The following DMXL1 variants were observed in gnomAD, a reference collection of about 807,000 sequenced individuals.
DMXL1 encodes Dmx like 1.
In DMXL1, 99 loss-of-function variants were observed where a neutral mutation model predicts 319.2. The ratio of observed to expected loss-of-function variants is 0.31; its 90% CI spans 0.26 to 0.37. The LOEUF (loss-of-function observed/expected upper bound fraction) is 0.37. Ranked by LOEUF, DMXL1 falls within the 10% of genes least tolerant of loss-of-function variation. The pLI is 1.00. For missense variants in DMXL1, 3,745 were observed against 3,595.6 expected, an observed-to-expected ratio of 1.04 and a Z score of -1.06; for synonymous variants, 1,385 against 1,235.2, an observed-to-expected ratio of 1.12 and a Z score of -2.54.
intron 1 of DMXL1, among the ~76,000 whole-genome samples, chr5:119,088,191 G>A (rs538141493): frequency 3.9e-5 from 6 of 152,162 alleles, no homozygotes; most frequent in Non-Finnish European, 5.9e-5. Context: ...CTGCTTTATC[G>A]TTATATAGTA....
chr5:119,226,967 A>G (rs1240270060), intron 38 of DMXL1, among the ~76,000 whole-genome samples: 6 of 152,198 alleles, frequency 3.9e-5, no homozygotes, highest in South Asian at 2.1e-4. Flanking sequence ...TCACCAGCCA[A>G]GAAGCTCATC....
intron 9 of DMXL1, among the ~76,000 whole-genome samples, chr5:119,124,178 G>A (rs1393885092): frequency 3.3e-5 from 5 of 151,836 alleles, no homozygotes; most frequent in Admixed American, 2.0e-4. Flanking sequence ...AGCCAGGTGT[G>A]GTGGCAGGCA....
intron 17 of DMXL1, 45 bp from the exon 18 acceptor site, chr5:119,148,694 T>C (rs761604219): frequency 6.4e-7 from 1 of 1,558,404 alleles, no homozygotes; most frequent in Admixed American, 1.9e-5. Flanking sequence ...AACAGAAGTA[T>C]TTAACCAAAT....
Position 119,164,617 on chromosome 5 carries a change from G to C in DMXL1, c.4813G>C (p.Ala1605Pro). The part of the protein sequence containing the change: ...KDDPTWSELR[A>P]MGVGWWVRNT... Reference sequence around the variant, plus strand: ...TGATCCCACTTGGTCTGAACTAAGAGCTATGGGTGTGGGGTGGTGGGTCCG... The same window carrying C: ...TGATCCCACTTGGTCTGAACTAAGACCTATGGGTGTGGGGTGGTGGGTCCG... The change falls in exon 20 of 44, where the codon GCT (alanine) becomes CCT (proline). Residue 1605 changes from alanine to proline, a missense_variant. By Grantham distance (27) the Ala-to-Pro change is conservative. Transcript: ENST00000539542. 1 of 1,614,034 alleles carries C rather than the reference G, an allele frequency of 6.2e-7. No individual in the cohort carries two copies. Among genetic ancestry groups the C allele is most frequent in the Non-Finnish European group, 8.5e-7 (1 of 1,179,916 alleles).
intron 10 of DMXL1, 57 bp downstream of exon 10, chr5:119,129,480 C>T (rs1764324363): frequency 2.4e-6 from 3 of 1,271,210 alleles, no homozygotes; most frequent in Admixed American, 2.4e-5. Context: ...CAAACATTTT[C>T]ATATTAGGGT....
chr5:119,238,895 C>A, intron 40 of DMXL1, 94 bp from the exon 41 acceptor site: 1 of 1,519,828 alleles, frequency 6.6e-7, no homozygotes, highest in South Asian at 1.3e-5. Flanking sequence ...TTAAGAAAGC[C>A]AGAAACTACA....
rs371098535 is a variant in DMXL1 at position 119,196,474 on chromosome 5, A to T, written c.7543+18A>T. The T allele has an allele frequency of 1.0e-5, 15 of 1,487,986 alleles. No individual in the cohort carries two copies. The highest frequency in any genetic ancestry group is 1.4e-5 in the African/African-American group (1 of 71,482). The allele number at this position is 1,487,986 out of a possible 1,614,324, so 92.2% of individuals were successfully genotyped here. On this transcript the variant is annotated intron_variant, in intron 31 of 43. Coordinates refer to ENST00000539542, the MANE Select transcript of DMXL1 (RefSeq NM_001290321.3). Reference sequence around the variant, plus strand: ...TCTTGCAGGTAATAAATAGCTCAACATGAGCTAATGGTGCCATTGCTTTTG... The same window carrying T: ...TCTTGCAGGTAATAAATAGCTCAACTTGAGCTAATGGTGCCATTGCTTTTG...
Position 119,071,506 on chromosome 5 carries a change from G to A in DMXL1, c.-64G>A. ...GCCGCCCCTGAGGGAAGGAGGGAGG[G>A]AAGCAGCCGCTGACCCGTGGCATGA... On this transcript the variant is annotated 5_prime_UTR_variant, in exon 1 of 44. Transcript: ENST00000539542. The A allele has an allele frequency of 6.7e-7, 1 of 1,494,860 alleles. No individual in the cohort carries two copies. The highest frequency in any genetic ancestry group is 9.1e-7 in the Non-Finnish European group (1 of 1,094,884). The allele number at this position is 1,494,860 out of a possible 1,614,324, so 92.6% of individuals were successfully genotyped here. A position where few individuals can be genotyped will look rare whatever the true frequency, so the allele number is the denominator to read the frequency against.
chr5:119,131,641 A>G (rs138848723), intron 10 of DMXL1, among the ~76,000 whole-genome samples: 1 of 152,316 alleles, frequency 6.6e-6, no homozygotes, highest in East Asian at 1.9e-4. Context: ...GTGTGTTACT[A>G]AAGGTTAACT....
In DMXL1 at chr5:119,150,379, A is replaced by C. The variant is rs770011942; in HGVS notation, c.4552A>C (p.Thr1518Pro). ...SLMALADTIA[T>P]TSTDIGESRD... The stretch of plus-strand genomic sequence containing the variant: ...GATGGCCTTAGCAGATACAATTGCA[A>C]CTACAAGCACTGATATTGGAGAAAG... Residue 1518 changes from threonine to proline, a missense_variant, in exon 18 of 44, where the codon ACT (threonine) becomes CCT (proline). Thr to Pro is a conservative substitution (Grantham distance 38). Transcript: ENST00000539542. 6.2e-7 allele frequency: 1 copy of C among 1,613,622 alleles called. No homozygotes were observed. Among genetic ancestry groups the C allele is most frequent in the Non-Finnish European group, 8.5e-7 (1 of 1,179,724 alleles).
At chr5:119,117,546 G>A (rs1009716998) in intron 7 of DMXL1, among the ~76,000 whole-genome samples, 1 of 152,054 alleles carries the variant, frequency 6.6e-6, no homozygotes, top group African/African-American at 2.4e-5. Context: ...GAGAAACAAG[G>A]GGTTGGGGAA....
At chr5:119,122,355 C>G (rs996362040) in intron 9 of DMXL1, among the ~76,000 whole-genome samples, 2 of 149,476 alleles carry the variant, frequency 1.3e-5, no homozygotes, top group Admixed American at 1.3e-4. Context: ...GCTGGCCGGG[C>G]AGAGGGGCTC....
At chr5:119,130,294 G>A (rs925515139) in intron 10 of DMXL1, among the ~76,000 whole-genome samples, 5 of 151,548 alleles carry the variant, frequency 3.3e-5, no homozygotes, top group African/African-American at 9.7e-5. Context: ...TTGTACTGTG[G>A]GTGTGCATTT....
intron 38 of DMXL1, among the ~76,000 whole-genome samples, chr5:119,230,144 T>C (rs1786405905): frequency 6.6e-6 from 1 of 152,202 alleles, no homozygotes. Flanking sequence ...CATTATTTAT[T>C]TTTTGCTGAC....
At chr5:119,168,013 C>G in intron 23 of DMXL1, 149 bp downstream of exon 23, 1 of 663,966 alleles carries the variant, frequency 1.5e-6, no homozygotes, top group Non-Finnish European at 2.3e-6. Context: ...TGGTTTTTTT[C>G]TCCAGAAAGA....
At chr5:119,118,760 CT>C in intron 7 of DMXL1, 54 bp from the exon 8 acceptor site, 1 of 1,352,392 alleles carries the variant, frequency 7.4e-7, no homozygotes, top group Non-Finnish European at 1.0e-6. Context: ...CGTAGAATTT[CT>C]GTGATACTAT....
intron 1 of DMXL1, among the ~76,000 whole-genome samples, chr5:119,071,974 C>T (rs1561514499): frequency 1.3e-5 from 2 of 151,882 alleles, no homozygotes; most frequent in African/African-American, 4.8e-5. Context: ...GAGTTGGGGG[C>T]TTTTTTATAC....
rs79689806 is a variant in DMXL1 at position 119,133,770 on chromosome 5, G to C, written c.1846G>C (p.Ala616Pro). 1 of 1,614,124 alleles carries C rather than the reference G, an allele frequency of 6.2e-7. No individual in the cohort carries two copies. ...TCTGAATCAGTGGCTGGTCAGTTTT[G>C]CCGAGGAATCTGCTTTTTCTACTGT... is the stretch of plus-strand genomic sequence containing the variant. ...GSLNQWLVSF[A>P]EESAFSTVLS... The change falls in exon 12 of 44, where the codon GCC becomes CCC. Residue 616 changes from alanine (A) to proline (P), a missense_variant. Transcript: ENST00000539542.
At chr5:119,148,384 A>G (rs566146098) in intron 17 of DMXL1, among the ~76,000 whole-genome samples, 3 of 152,310 alleles carry the variant, frequency 2.0e-5, no homozygotes, top group African/African-American at 7.2e-5. Context: ...ATTAACTAGA[A>G]TTAAATTCTG....
Sources: allele counts gnomAD v4.1 joint callset (sites outside exome capture counted in the v4.1 genomes callset), GRCh38; gene constraint gnomAD v4.1.1; transcripts MANE v1.5; gene names NCBI Gene and HGNC (gene_info 2026-07-23, HGNC 2026-07-21).